The following OSBPL10 variants were observed in gnomAD, a reference collection of about 807,000 sequenced individuals.
OSBPL10 encodes the protein oxysterol binding protein like 10, also known as oxysterol-binding protein-related protein 10.
In OSBPL10, 49 loss-of-function variants were observed where a neutral mutation model predicts 81.7. The observed-to-expected ratio is 0.60, with a 90% CI of 0.48 to 0.76. The LOEUF is 0.76. OSBPL10 is among the 30% of genes least tolerant of loss of function. OSBPL10 has a pLI of 0.00. For synonymous variants in OSBPL10, 419 were observed against 383.6 expected (o/e 1.09, Z -1.08); for missense variants, 923 against 987.8 (o/e 0.93, Z 0.88).
intron 10 of OSBPL10, among the ~76,000 whole-genome samples, chr3:31,668,023 T>G (rs1336338135): frequency 6.6e-6 from 1 of 152,252 alleles, no homozygotes; most frequent in African/African-American, 2.4e-5. Flanking sequence ...AGACAGGTGA[T>G]TTCTTTCTTT....
At chr3:31,746,696 C>T (rs1478581967) in intron 5 of OSBPL10, among the ~76,000 whole-genome samples, 12 of 146,740 alleles carry the variant, frequency 8.2e-5, no homozygotes, top group African/African-American at 7.6e-5. Flanking sequence ...AAAAAAAAAT[C>T]GTCATTCTCA....
At chr3:31,786,870 T>TGGGCC (rs1316789060) in intron 4 of OSBPL10, among the ~76,000 whole-genome samples, 26 of 152,186 alleles carry the variant, frequency 1.7e-4, no homozygotes, top group Admixed American at 1.7e-3. Context: ...ATGAGCAGCA[T>TGGGCC]GGGCCAGACC....
chr3:31,799,865 T>C lies in OSBPL10; in HGVS notation c.729+30175A>G, dbSNP rs149418994. ...CTGGGACTACAGGCGCCCACCACCA[T>C]ACCCGGCTAATTTTTGTATTTTCAG... On this transcript the variant is annotated intron_variant, in intron 4 of 11. Coordinates refer to ENST00000396556, the MANE Select transcript of OSBPL10 (RefSeq NM_017784.5). 2.6e-3 allele frequency among the ~76,000 whole-genome samples: 393 copies of C among 152,226 alleles called. 3 individuals carry two copies. Among genetic ancestry groups the C allele is most frequent in the African/African-American group, 9.2e-3 (382 of 41,564 alleles).
At chr3:31,936,040 C>CAT (rs1292205840) in intron 1 of OSBPL10, among the ~76,000 whole-genome samples, 1 of 152,138 alleles carries the variant, frequency 6.6e-6, no homozygotes, top group Non-Finnish European at 1.5e-5. Flanking sequence ...TCCTCTTCAC[C>CAT]ATCCCTTCTC....
intron 6 of OSBPL10, chr3:31,718,374 TCCTC>T (rs1272728067): frequency 1.3e-5 from 2 of 152,112 alleles, no homozygotes; most frequent in African/African-American, 4.8e-5. Context: ...TGATCTGTCT[TCCTC>T]AGCCTCCCAA....
At chr3:31,971,139 C>CTTT (rs56785817) in intron 1 of OSBPL10, among the ~76,000 whole-genome samples, 14 of 119,338 alleles carry the variant, frequency 1.2e-4, no homozygotes, top group Non-Finnish European at 2.2e-4. Context: ...TTTCTTTTTT[C>CTTT]TTTTTTTTTT....
chr3:31,826,419 T>G (rs1700101423), intron 4 of OSBPL10, among the ~76,000 whole-genome samples: 1 of 152,220 alleles, frequency 6.6e-6, no homozygotes, highest in Non-Finnish European at 1.5e-5. Context: ...GGATGCTGGG[T>G]TCCGACCTTT....
In OSBPL10 at chr3:31,784,653, G is replaced by C. The variant is rs144381123; in HGVS notation, c.730-36533C>G. On this transcript the variant is annotated intron_variant, in intron 4 of 11. Coordinates refer to ENST00000396556, the MANE Select transcript of OSBPL10 (RefSeq NM_017784.5). ...GCTGGAGTACAGTGGTGCGTTCTTA[G>C]CTCACTGCAACCTCCACCTCCCGGG... 8.9e-3 allele frequency among the ~76,000 whole-genome samples: 1,294 copies of C among 145,494 alleles called. 10 individuals are homozygous for C. Among genetic ancestry groups the C allele is most frequent in the Non-Finnish European group, 0.011 (703 of 66,236 alleles).
Position 31,884,145 on chromosome 3 carries a change from CAG to C in OSBPL10, c.282-4317_282-4316del, listed in dbSNP as rs1414805606. Among the ~76,000 whole-genome samples the C allele has an allele frequency of 2.0e-5, 3 of 152,124 alleles. No individual in the cohort carries two copies. The East Asian group carries it at 5.8e-4, about 29-fold the overall frequency. On this transcript the variant is annotated intron_variant, in intron 1 of 11. Transcript: ENST00000396556. Reference sequence around the variant, plus strand: ...TGTTTTATTTTTTCAGTAAGTATGACAGAATAACCAACTGATGTCACATTATA... The same window carrying C: ...TGTTTTATTTTTTCAGTAAGTATGACAATAACCAACTGATGTCACATTATA...
intron 4 of OSBPL10, among the ~76,000 whole-genome samples, chr3:31,817,558 C>CCG (rs75725930): frequency 0.7 from 105,586 of 151,512 alleles, 37,226 homozygotes; most frequent in East Asian, 0.93. Flanking sequence ...GCAGCTGCAC[C>CCG]CACACCCACA....
chr3:31,685,986 T>C (rs746546202), intron 7 of OSBPL10, among the ~76,000 whole-genome samples: 2 of 152,142 alleles, frequency 1.3e-5, no homozygotes, highest in African/African-American at 2.4e-5. Flanking sequence ...GATTAATGCC[T>C]TCCTTCAGGA....
chr3:31,979,414 A>G (rs1698768628), intron 1 of OSBPL10, among the ~76,000 whole-genome samples: 1 of 152,210 alleles, frequency 6.6e-6, no homozygotes, highest in African/African-American at 2.4e-5. Flanking sequence ...TCTTCCTCCA[A>G]GTTGAGTTTC....
At chr3:31,799,453 G>A (rs538421853) in intron 4 of OSBPL10, among the ~76,000 whole-genome samples, 291 of 150,510 alleles carry the variant, frequency 1.9e-3, no homozygotes, top group Non-Finnish European at 3.4e-3. Flanking sequence ...TCAATCAGCT[G>A]GTTTGAATAT....
At chr3:31,731,916 A>ATCAGAG (rs1489415072) in intron 6 of OSBPL10, among the ~76,000 whole-genome samples, 89 of 152,338 alleles carry the variant, frequency 5.8e-4, no homozygotes, top group African/African-American at 2.1e-3. Flanking sequence ...TGGGGGTCAG[A>ATCAGAG]GGGAACACCT....
Position 31,705,381 on chromosome 3 carries a change from C to G in OSBPL10, c.1096-2873G>C, listed in dbSNP as rs528008672. 1.3e-4 allele frequency among the ~76,000 whole-genome samples: 18 copies of G among 141,322 alleles called. 1 individual carries two copies. The highest frequency in any genetic ancestry group is 2.1e-4 in the Admixed American group (3 of 14,238). The allele number at this position is 141,322 out of a possible 152,430, so 92.7% of individuals were successfully genotyped here. ...TCTGCACAAAGAGAAGACCCCCCCCCCCACCCCCATCGCGGTCCAACTTGG... is the reference window on the plus strand; with the variant it reads ...TCTGCACAAAGAGAAGACCCCCCCCGCCACCCCCATCGCGGTCCAACTTGG... On this transcript the variant is annotated intron_variant, in intron 6 of 11. Transcript: ENST00000396556.
upstream of OSBPL10, chr3:31,981,359 C>A: frequency 9.0e-7 from 1 of 1,110,344 alleles, no homozygotes; most frequent in Non-Finnish European, 1.1e-6. This position sits in a 1 kb window ranked among gnomAD's most constrained non-coding sequence, Gnocchi z 4.5. Context: ...GGAAGGAAGC[C>A]AACGGGGCTG....
chr3:31,838,779 C>T (rs968471126), intron 3 of OSBPL10, among the ~76,000 whole-genome samples: 1 of 152,138 alleles, frequency 6.6e-6, no homozygotes, highest in African/African-American at 2.4e-5. Context: ...TTCTCAGATA[C>T]TTAAACAATA....
chr3:31,668,589 G>A lies in OSBPL10; in HGVS notation c.2096+53C>T. ...GTCTTCTTTCTTCTCTGTCCCTTGA[G>A]TCAGGTGCCCAGCATGACTAAGCTG... On this transcript the variant is annotated intron_variant, in intron 10 of 11. Transcript: ENST00000396556. 4 of 1,480,602 alleles carry A rather than the reference G, an allele frequency of 2.7e-6. No individual in the cohort carries two copies. In the South Asian group the frequency reaches 5.8e-5, roughly 22 times the overall value. The allele number at this position is 1,480,602 out of a possible 1,614,324, so 91.7% of individuals were successfully genotyped here. A position where few individuals can be genotyped will look rare whatever the true frequency, so the allele number is the denominator to read the frequency against.
At chr3:31,863,145 T>TG (rs947980424) in intron 3 of OSBPL10, among the ~76,000 whole-genome samples, 5 of 151,464 alleles carry the variant, frequency 3.3e-5, no homozygotes, top group African/African-American at 1.2e-4. Flanking sequence ...CTATGCTAAG[T>TG]GAAAAAAAGC....
Sources: allele counts gnomAD v4.1 joint callset (sites outside exome capture counted in the v4.1 genomes callset), GRCh38; gene constraint gnomAD v4.1.1; non-coding constraint Gnocchi (gnomAD v3.1); transcripts MANE v1.5; gene names NCBI Gene and HGNC (gene_info 2026-07-23, HGNC 2026-07-21).